The following DENND1A variants were observed in gnomAD, a reference collection of about 807,000 sequenced individuals.
DENND1A encodes DENN domain containing 1A.
DENND1A carries 51 observed loss-of-function variants against 113.7 expected under a neutral mutation model. That is an observed-to-expected ratio of 0.45 (90% CI 0.36 to 0.57). DENND1A has a LOEUF of 0.57. Among genes scored for constraint, DENND1A ranks in the 20% least tolerant of loss-of-function variants. DENND1A has a pLI of 0.00. For missense variants in DENND1A, 1,258 were observed against 1,395.9 expected (o/e 0.90, Z 1.57); for synonymous variants, 565 against 570.8 (o/e 0.99, Z 0.14).
intron 13 of DENND1A, among the ~76,000 whole-genome samples, chr9:123,514,078 GTGTGTGTGTGTGTGTGTGTA>G (rs896705477): frequency 6.0e-5 from 4 of 67,180 alleles, no homozygotes; most frequent in African/African-American, 1.3e-4. Flanking sequence ...GTGTGTGTGT[GTGTGTGTGTGTGTGTGTGTA>G]TGTGTGTGTG....
At chr9:123,573,189 T>C (rs2058452234) in intron 12 of DENND1A, among the ~76,000 whole-genome samples, 1 of 152,296 alleles carries the variant, frequency 6.6e-6, no homozygotes, top group African/African-American at 2.4e-5. Flanking sequence ...TGTAACTTTA[T>C]AGTGAGTCTT....
intron 13 of DENND1A, chr9:123,485,666 A>ACGCGCGCACGCGCG (rs1481625776): frequency 3.6e-5 from 1 of 27,658 alleles, no homozygotes; most frequent in Non-Finnish European, 1.7e-4. Context: ...GCACACACAC[A>ACGCGCGCACGCGCG]CACACACACA....
At chr9:123,391,682 T>G (rs2042851366) in intron 21 of DENND1A, among the ~76,000 whole-genome samples, 1 of 146,148 alleles carries the variant, frequency 6.8e-6, no homozygotes, top group African/African-American at 2.6e-5. Context: ...AAACATACAG[T>G]CAGATATTTG....
intron 11 of DENND1A, among the ~76,000 whole-genome samples, chr9:123,602,775 T>C (rs562415151): frequency 1.3e-5 from 2 of 152,362 alleles, no homozygotes; most frequent in Non-Finnish European, 2.9e-5. Context: ...GCTTGAGTGA[T>C]CCTCTTGCCT....
chr9:123,767,166 T>C (rs1461289109), intron 4 of DENND1A, among the ~76,000 whole-genome samples: 2 of 152,198 alleles, frequency 1.3e-5, no homozygotes, highest in African/African-American at 4.8e-5. Flanking sequence ...AACCTTTATA[T>C]TTCTTACAAA....
At chr9:123,568,753 G>A (rs1014311922) in intron 12 of DENND1A, among the ~76,000 whole-genome samples, 3 of 152,050 alleles carry the variant, frequency 2.0e-5, no homozygotes, top group African/African-American at 7.2e-5. Flanking sequence ...CACACAGAGC[G>A]AGATATCTCC....
At chr9:123,495,171 T>TCTCTCTCTCTCTCTC (rs1564598042) in intron 13 of DENND1A, among the ~76,000 whole-genome samples, 13 of 76,360 alleles carry the variant, frequency 1.7e-4, no homozygotes, top group African/African-American at 8.2e-4. Flanking sequence ...CTCTCTCTCT[T>TCTCTCTCTCTCTCTC]ATAATGTCTG....
intron 2 of DENND1A, chr9:123,798,643 T>C (rs1034404073): frequency 6.8e-6 from 1 of 148,082 alleles, no homozygotes; most frequent in Non-Finnish European, 1.5e-5. Context: ...AAATTTATGC[T>C]ATGTGAATCC....
chr9:123,623,049 C>A (rs896128111), intron 10 of DENND1A, among the ~76,000 whole-genome samples: 1 of 152,146 alleles, frequency 6.6e-6, no homozygotes, highest in East Asian at 1.9e-4. Flanking sequence ...TTACTCCTTT[C>A]GTTTTCTCTG....
At chr9:123,604,221 G>C (rs936589246) in intron 11 of DENND1A, among the ~76,000 whole-genome samples, 2 of 152,124 alleles carry the variant, frequency 1.3e-5, no homozygotes, top group Non-Finnish European at 2.9e-5. Context: ...CTAAGTCTTT[G>C]CAGATGCTGC....
chr9:123,733,209 A>C (rs895339951), intron 5 of DENND1A, among the ~76,000 whole-genome samples: 1 of 151,930 alleles, frequency 6.6e-6, no homozygotes, highest in African/African-American at 2.4e-5. Flanking sequence ...TCAAACTCCC[A>C]ACCTCAGGTG....
At chr9:123,882,959 T>C (rs1848530881) in intron 1 of DENND1A, among the ~76,000 whole-genome samples, 1 of 152,256 alleles carries the variant, frequency 6.6e-6, no homozygotes, top group East Asian at 1.9e-4. Flanking sequence ...ATCTGGCCTC[T>C]GCCTACCTGT....
At chr9:123,414,219 T>A in intron 19 of DENND1A, 1 of 1,179,016 alleles carries the variant, frequency 8.5e-7, no homozygotes, top group Non-Finnish European at 1.1e-6. Context: ...GAAGTACAGG[T>A]AACAGCACTG....
At chr9:123,715,565 G>A (rs942199318) in intron 5 of DENND1A, among the ~76,000 whole-genome samples, 1 of 152,208 alleles carries the variant, frequency 6.6e-6, no homozygotes, top group Non-Finnish European at 1.5e-5. Context: ...GTTTGCAGCT[G>A]TTAAGCAGCA....
rs2042261845 is a variant in DENND1A, at chr9:123,381,465, C to T, written c.3180G>A (p.Glu1060=). ...PALAPAPDSV[E]QLRKQWETFE ...AGGTCTCCCACTGCTTCCTGAGCTG[C>T]TCCACCGAGTCTGGGGCCGGGGCCA... is the stretch of plus-strand genomic sequence containing the variant. Residue 1060 remains glutamate, a synonymous_variant, in exon 24 of 24, where the codon GAG becomes GAA. Coordinates refer to ENST00000394215, the MANE Select transcript of DENND1A (RefSeq NM_001352964.2). This position sits in a 1 kb window ranked among gnomAD's most constrained non-coding sequence, Gnocchi z 4.7. 6.2e-7 allele frequency: 1 copy of T among 1,613,442 alleles called. No individual in the cohort carries two copies. The highest frequency in any genetic ancestry group is 8.5e-7 in the Non-Finnish European group (1 of 1,179,966).
chr9:123,550,499 A>G (rs1485864199), intron 13 of DENND1A, among the ~76,000 whole-genome samples: 2 of 152,158 alleles, frequency 1.3e-5, no homozygotes, highest in African/African-American at 4.8e-5. Context: ...CCTAACATAT[A>G]CCAAGGACCT....
At chr9:123,738,443 CTGTGTGTG>C (rs59851560) in intron 5 of DENND1A, among the ~76,000 whole-genome samples, 3,958 of 143,428 alleles carry the variant, frequency 0.028, 56 homozygotes, top group Non-Finnish European at 0.03. Context: ...TCAACAGCTT[CTGTGTGTG>C]TGTGTGTGTG....
chr9:123,687,902 A>C (rs1263042285), intron 5 of DENND1A, among the ~76,000 whole-genome samples: 1 of 152,256 alleles, frequency 6.6e-6, no homozygotes, highest in Non-Finnish European at 1.5e-5. Flanking sequence ...TTTGTACACA[A>C]TTAATTACAT....
intron 9 of DENND1A, among the ~76,000 whole-genome samples, chr9:123,644,228 G>A (rs1331888673): frequency 1.3e-5 from 2 of 152,036 alleles, no homozygotes; most frequent in African/African-American, 2.4e-5. Flanking sequence ...GGAAATGGAT[G>A]GCTCAAAAGG....
Sources: allele counts gnomAD v4.1 joint callset (sites outside exome capture counted in the v4.1 genomes callset), GRCh38; gene constraint gnomAD v4.1.1; non-coding constraint Gnocchi (gnomAD v3.1); transcripts MANE v1.5; gene names NCBI Gene and HGNC (gene_info 2026-07-23, HGNC 2026-07-21).